Variants in PMS2 observed in about 807,000 individuals in gnomAD.
The protein encoded by PMS2 is mismatch repair endonuclease PMS2.
In PMS2, 69 loss-of-function variants were observed where a neutral mutation model predicts 90.0. The ratio of observed to expected loss-of-function variants is 0.77; its 90% CI spans 0.63 to 0.94. PMS2 has a LOEUF of 0.94. PMS2 is among the 40% of genes least tolerant of loss of function. The pLI is 0.00. For synonymous variants in PMS2, 332 were observed against 375.1 expected, an observed-to-expected ratio of 0.89 and a Z score of 1.33; for missense variants, 966 against 1,040.2, an observed-to-expected ratio of 0.93 and a Z score of 0.98.
chr7:5,985,148 A>T (rs1222379386), intron 11 of PMS2, among the ~76,000 whole-genome samples: 2 of 151,722 alleles, frequency 1.3e-5, no homozygotes. Flanking sequence ...CCCAGGCTGG[A>T]GTGCAATGGC....
chr7:5,996,521 A>G, intron 7 of PMS2, among the ~76,000 whole-genome samples: 1 of 150,742 alleles, frequency 6.6e-6, no homozygotes, highest in South Asian at 2.1e-4. Context: ...GCAGTGAGCC[A>G]AGATCACGGC....
intron 6 of PMS2, 80 bp from the exon 7 acceptor site, chr7:5,997,503 G>A (rs1373224658): frequency 1.2e-6 from 1 of 837,046 alleles, no homozygotes; most frequent in Non-Finnish European, 2.0e-6. Context: ...TCTTAGTCAA[G>A]CTATTGACAT....
intron 3 of PMS2, 58 bp downstream of exon 3, chr7:6,003,914 A>C: frequency 7.6e-7 from 1 of 1,320,760 alleles, no homozygotes; most frequent in East Asian, 2.3e-5. Flanking sequence ...GTGTTACTCA[A>C]AATTCTGAGA....
Position 5,987,630 on chromosome 7 carries a change from C to T in PMS2, c.1145-10G>A, listed in dbSNP as rs533551639. On this transcript the variant is annotated splice_polypyrimidine_tract_variant and intron_variant, in intron 10 of 14. Coordinates refer to ENST00000265849, the MANE Select transcript of PMS2 (RefSeq NM_000535.7). ...ATTTTTATTAAGTTACCTAAGCAAA[C>T]GTGGACGGAGAAGAGGGTCAGGGAC... 1.0e-4 allele frequency: 156 copies of T among 1,563,686 alleles called. No homozygotes were observed. Among genetic ancestry groups the T allele is most frequent in the African/African-American group, 1.3e-4 (10 of 74,150 alleles).
intron 13 of PMS2, 126 bp downstream of exon 13, chr7:5,978,470 C>G (rs147251024): frequency 0.011 from 12,393 of 1,099,076 alleles, 289 homozygotes; most frequent in Non-Finnish European, 0.012. Context: ...GGGGTTTCAC[C>G]ATGTTAGCCA....
Position 5,987,526 on chromosome 7 carries a change from T to C in PMS2, c.1239A>G (p.Lys413=), listed in dbSNP as rs1244752544. 49 of 1,613,372 alleles carry C rather than the reference T, an allele frequency of 3.0e-5. No homozygotes were observed. In the South Asian group the frequency reaches 3.3e-4, roughly 11 times the overall value. Residue 413 remains lysine (K), a synonymous_variant, in exon 11 of 15, where the codon AAA becomes AAG. Transcript: ENST00000265849. ...SPSLRTGEEK[K]DVSISRLREA... is the part of the protein sequence containing the mutation. ...CTCGCAGTCTGGAAATGGACACGTCTTTTTTTTCTTCTCCAGTCCTTAATG... is the reference window on the plus strand; with the variant it reads ...CTCGCAGTCTGGAAATGGACACGTCCTTTTTTTCTTCTCCAGTCCTTAATG...
intron 12 of PMS2, 66 bp downstream of exon 12, chr7:5,982,758 T>G (rs767482768): frequency 1.6e-5 from 25 of 1,610,466 alleles, no homozygotes; most frequent in Non-Finnish European, 2.0e-5. Flanking sequence ...GTGATCCTCC[T>G]GCCTTGGCCT....
At position 5,983,205 on chromosome 7, in the gene PMS2, C is replaced by T. The variant is rs535513152; in HGVS notation, c.2007-214G>A. On this transcript the variant is annotated intron_variant, in intron 11 of 14. Coordinates refer to ENST00000265849, the MANE Select transcript of PMS2 (RefSeq NM_000535.7). ...TTGGCTCACTGCAACCTCCACCTCCCGGGTTCGAGTGATTCTTCTGCCTCA... is the reference window on the plus strand; with the variant it reads ...TTGGCTCACTGCAACCTCCACCTCCTGGGTTCGAGTGATTCTTCTGCCTCA... Among the ~76,000 whole-genome samples, 5 of 151,710 alleles carry T rather than the reference C, an allele frequency of 3.3e-5. No homozygotes were observed. The South Asian group carries it at 8.3e-4, about 25-fold the overall frequency.
At chr7:5,988,911 A>G (rs1278716349) in intron 10 of PMS2, among the ~76,000 whole-genome samples, 3 of 152,038 alleles carry the variant, frequency 2.0e-5, no homozygotes, top group Admixed American at 2.0e-4. Context: ...GCTGGAGTGC[A>G]GTGGCACAAT....
chr7:5,985,496 A>G (rs1431682887), intron 11 of PMS2, among the ~76,000 whole-genome samples: 5 of 151,688 alleles, frequency 3.3e-5, no homozygotes, highest in Non-Finnish European at 5.9e-5. Flanking sequence ...GGAAAATGCT[A>G]CTATCCTAGG....
In PMS2 at chr7:5,987,213, C is replaced by T. The variant is rs376142390; in HGVS notation, c.1552G>A (p.Glu518Lys). ...IPDTGSHCSS[E>K]YAASSPGDRG... is the part of the protein sequence containing the mutation. ...TCCCCTGGGGAGCTGGCCGCATACT[C>T]GCTGCTGCAGTGACTGCCCGTGTCT... The change falls in exon 11 of 15, where the codon GAG (glutamate) becomes AAG (lysine). Residue 518 changes from glutamate (E) to lysine (K), a missense_variant. By Grantham distance (56) the Glu-to-Lys change is moderately conservative. Transcript: ENST00000265849. 79 of 1,613,990 alleles carry T rather than the reference C, an allele frequency of 4.9e-5. No individual in the cohort carries two copies. Among genetic ancestry groups the T allele is most frequent in the Non-Finnish European group, 6.3e-5 (74 of 1,180,020 alleles).
chr7:6,003,464 T>C, intron 4 of PMS2: 1 of 541,884 alleles, frequency 1.8e-6, no homozygotes, highest in Non-Finnish European at 3.3e-6. Context: ...AATTACTGTT[T>C]TAATAAGGGT....
rs186798940 is a variant in PMS2, at chr7:5,977,843, G to C, written c.2276-86C>G. Reference sequence around the variant, plus strand: ...TACTTAGGATGAACATCTGAGGCCGGGCGTGGTGGCTCACGCCTGTAATCC... The same window carrying C: ...TACTTAGGATGAACATCTGAGGCCGCGCGTGGTGGCTCACGCCTGTAATCC... On this transcript the variant is annotated intron_variant, in intron 13 of 14. Transcript: ENST00000265849. 321 of 1,559,478 alleles carry C rather than the reference G, an allele frequency of 2.1e-4. 15 individuals are homozygous for C. The East Asian group carries it at 7.3e-3, about 35-fold the overall frequency.
intron 5 of PMS2, among the ~76,000 whole-genome samples, chr7:5,999,928 C>T (rs1484107642): frequency 1.3e-5 from 2 of 152,092 alleles, no homozygotes; most frequent in Non-Finnish European, 2.9e-5. Flanking sequence ...CAAAAATGTT[C>T]ACTGAAACAA....
At chr7:5,988,519 C>T (rs1239032769) in intron 10 of PMS2, among the ~76,000 whole-genome samples, 4 of 152,068 alleles carry the variant, frequency 2.6e-5, no homozygotes. Context: ...GCCAAGATCA[C>T]TCCACTGCAC....
chr7:5,988,907 G>A (rs1468138366), intron 10 of PMS2, among the ~76,000 whole-genome samples: 5 of 152,096 alleles, frequency 3.3e-5, no homozygotes, highest in Admixed American at 6.5e-5. Flanking sequence ...CCAGGCTGGA[G>A]TGCAGTGGCA....
chr7:5,992,147 A>C, intron 8 of PMS2, 90 bp from the exon 9 acceptor site: 3 of 743,854 alleles, frequency 4.0e-6, no homozygotes, highest in Non-Finnish European at 7.2e-6. Context: ...ACCAACCAGC[A>C]TGTTCTTAGA....
rs766309532 is a variant in PMS2, at chr7:5,987,289, C to T, written c.1476G>A (p.Lys492=). The part of the protein sequence containing the change: ...SDPTDRAEVE[K]DSGHGSTSVD... ...CGGAAGTGCTGCCGTGCCCCGAGTC[C>T]TTCTCCACCTCCGCTCTGTCCGTAG... The change falls in exon 11 of 15, where the codon AAG becomes AAA. Residue 492 remains lysine, a synonymous_variant. Coordinates refer to ENST00000265849, the MANE Select transcript of PMS2 (RefSeq NM_000535.7). 11 of 1,614,020 alleles carry T rather than the reference C, an allele frequency of 6.8e-6. No homozygotes were observed. Among genetic ancestry groups the T allele is most frequent in the Middle Eastern group, 1.6e-4 (1 of 6,084 alleles).
intron 9 of PMS2, among the ~76,000 whole-genome samples, chr7:5,990,840 C>A (rs1004966235): frequency 6.6e-6 from 1 of 152,068 alleles, no homozygotes; most frequent in African/African-American, 2.4e-5. Context: ...ATGGCGAAAC[C>A]CCGTCTCTAC....
Sources: gnomAD v4.1 joint callset for allele counts (sites outside exome capture counted in the v4.1 genomes callset) on GRCh38, gnomAD v4.1.1 for gene constraint, MANE v1.5 for transcripts, NCBI Gene and HGNC (gene_info 2026-07-23, HGNC 2026-07-21) for gene names.